The following GALNT13 variants were observed in gnomAD, a reference collection of about 807,000 sequenced individuals.
GALNT13 encodes the protein UDP-GalNAc:polypeptide N-acetylgalactosaminyltransferase 13.
Under a neutral mutation model 64.2 loss-of-function variants are expected in GALNT13, and 28 were observed. The observed-to-expected ratio is 0.44, with a 90% CI of 0.32 to 0.60. The LOEUF is 0.60. Among genes scored for constraint, GALNT13 ranks in the 20% least tolerant of loss-of-function variants. The pLI is 0.05. For synonymous variants in GALNT13, 214 were observed against 224.6 expected (o/e 0.95, Z 0.42); for missense variants, 577 against 669.8 (o/e 0.86, Z 1.53).
intron 9 of GALNT13, among the ~76,000 whole-genome samples, chr2:154,351,437 A>C (rs1243485718): frequency 1.3e-5 from 2 of 151,996 alleles, no homozygotes. Flanking sequence ...TAATCCCAGC[A>C]CTTTGGGAGG....
chr2:153,084,096 A>C, the GALNT13 span, among the ~76,000 whole-genome samples: 1 of 152,182 alleles, frequency 6.6e-6, no homozygotes, highest in Non-Finnish European at 1.5e-5. Context: ...ATTGGTCTAC[A>C]AGCCTGTTCT....
chr2:153,765,114 G>A, the GALNT13 span, among the ~76,000 whole-genome samples: 1 of 152,220 alleles, frequency 6.6e-6, no homozygotes. Flanking sequence ...TGGGATGGGA[G>A]CCCCCACACA....
intron 11 of GALNT13, among the ~76,000 whole-genome samples, 164 bp from the exon 12 acceptor site, chr2:154,438,428 G>A (rs1701105500): frequency 6.6e-6 from 1 of 152,150 alleles, no homozygotes; most frequent in Admixed American, 6.5e-5. Context: ...TTTTGCAGTT[G>A]AGGAAAAAGA....
At chr2:154,272,075 A>G (rs761706800) in intron 8 of GALNT13, among the ~76,000 whole-genome samples, 1 of 151,962 alleles carries the variant, frequency 6.6e-6, no homozygotes, top group Admixed American at 6.6e-5. Flanking sequence ...ATACATTTTC[A>G]TTTCCATTAA....
At chr2:154,251,384 C>G (rs760921216) in intron 7 of GALNT13, among the ~76,000 whole-genome samples, 2 of 152,108 alleles carry the variant, frequency 1.3e-5, no homozygotes, top group Non-Finnish European at 2.9e-5. Flanking sequence ...AAAAAAATAA[C>G]TACTCCTTTA....
chr2:153,579,907 A>C, the GALNT13 span, among the ~76,000 whole-genome samples: 1 of 152,096 alleles, frequency 6.6e-6, no homozygotes, highest in African/African-American at 2.4e-5. Flanking sequence ...CTGTGGAAAA[A>C]TTGTCTTCTA....
At chr2:154,063,215 G>A (rs1174599706) in intron 3 of GALNT13, among the ~76,000 whole-genome samples, 1 of 152,032 alleles carries the variant, frequency 6.6e-6, no homozygotes, top group African/African-American at 2.4e-5. Context: ...GTCTTAGAAG[G>A]CTGCCACTTT....
intron 4 of GALNT13, among the ~76,000 whole-genome samples, chr2:154,160,189 T>C (rs1684651876): frequency 6.6e-6 from 1 of 152,204 alleles, no homozygotes; most frequent in South Asian, 2.1e-4. Context: ...TTTTGGCTAA[T>C]ACTGGTTGGC....
At chr2:154,405,571 AC>A (rs1574246908) in intron 10 of GALNT13, among the ~76,000 whole-genome samples, 1 of 139,676 alleles carries the variant, frequency 7.2e-6, no homozygotes, top group Non-Finnish European at 1.5e-5. Context: ...ATATGATGTA[AC>A]CCCATCTCTT....
At chr2:154,082,298 C>G (rs1295361657) in intron 3 of GALNT13, among the ~76,000 whole-genome samples, 1 of 151,588 alleles carries the variant, frequency 6.6e-6, no homozygotes, top group Admixed American at 6.6e-5. Flanking sequence ...AGGGATTTTC[C>G]TCTGTCTTAT....
At chr2:153,531,926 C>T in the GALNT13 span, among the ~76,000 whole-genome samples, 5 of 152,272 alleles carry the variant, frequency 3.3e-5, no homozygotes, top group South Asian at 2.1e-4. Flanking sequence ...GGTGGGCTCA[C>T]GAGGCCTTCA....
At chr2:154,379,444 A>C (rs1281403765) in intron 9 of GALNT13, among the ~76,000 whole-genome samples, 1 of 152,068 alleles carries the variant, frequency 6.6e-6, no homozygotes, top group Non-Finnish European at 1.5e-5. Flanking sequence ...GATATTGCTT[A>C]AGTGCAAATA....
chr2:153,457,784 C>T, the GALNT13 span, among the ~76,000 whole-genome samples: 1 of 152,094 alleles, frequency 6.6e-6, no homozygotes, highest in Non-Finnish European at 1.5e-5. Context: ...TATTGCATAA[C>T]TCTCCATTAG....
At chr2:153,602,347 G>A in the GALNT13 span, among the ~76,000 whole-genome samples, 5 of 151,768 alleles carry the variant, frequency 3.3e-5, no homozygotes, top group Non-Finnish European at 1.5e-5. Context: ...AAGCAAACAG[G>A]TCATGTCAAT....
chr2:153,480,278 T>G, the GALNT13 span, among the ~76,000 whole-genome samples: 2 of 152,236 alleles, frequency 1.3e-5, no homozygotes, highest in African/African-American at 2.4e-5. Context: ...TTATTCCATC[T>G]TCAGAGTGTT....
intron 4 of GALNT13, among the ~76,000 whole-genome samples, chr2:154,162,311 AT>A (rs1375209123): frequency 6.6e-6 from 1 of 152,206 alleles, no homozygotes; most frequent in Non-Finnish European, 1.5e-5. Flanking sequence ...TAACATAATA[AT>A]TTTTTAAAAG....
the GALNT13 span, among the ~76,000 whole-genome samples, chr2:153,354,852 C>A: frequency 6.6e-6 from 1 of 152,130 alleles, no homozygotes; most frequent in Non-Finnish European, 1.5e-5. Flanking sequence ...TTTCAAGATG[C>A]CAAAAGGTTG....
the GALNT13 span, among the ~76,000 whole-genome samples, chr2:153,256,641 T>C: frequency 2.0e-5 from 3 of 152,320 alleles, no homozygotes; most frequent in East Asian, 3.9e-4. Context: ...ACAGATGGGA[T>C]TTTTGTGTGG....
At chr2:154,153,402 A>C (rs2105633446) in intron 4 of GALNT13, among the ~76,000 whole-genome samples, 2 of 152,324 alleles carry the variant, frequency 1.3e-5, no homozygotes, top group East Asian at 3.9e-4. Context: ...TTGAGGAGGC[A>C]GTCTGCCCAT....
Sources: gnomAD v4.1 joint callset for allele counts (sites outside exome capture counted in the v4.1 genomes callset) on GRCh38, gnomAD v4.1.1 for gene constraint, MANE v1.5 for transcripts, NCBI Gene and HGNC (gene_info 2026-07-23, HGNC 2026-07-21) for gene names.